The following DGKB variants were observed in gnomAD, a reference collection of about 807,000 sequenced individuals.
DGKB encodes 90 kDa diacylglycerol kinase.
Under a neutral mutation model 114.3 loss-of-function variants are expected in DGKB, and 67 were observed. The ratio of observed to expected loss-of-function variants is 0.59; its 90% CI spans 0.48 to 0.72. The LOEUF (loss-of-function observed/expected upper bound fraction) is 0.72. DGKB is among the 30% of genes least tolerant of loss of function. The probability of loss-of-function intolerance (pLI) is 0.00; values close to 1 mark genes in which losing one functional copy is unlikely to be tolerated. For synonymous variants in DGKB, 398 were observed against 323.1 expected (o/e 1.23, Z -2.49); for missense variants, 907 against 975.2 (o/e 0.93, Z 0.93).
chr7:14,801,730 G>T (rs930880080), intron 2 of DGKB, among the ~76,000 whole-genome samples: 1 of 151,924 alleles, frequency 6.6e-6, no homozygotes, highest in South Asian at 2.1e-4. Flanking sequence ...TTCCTGGATC[G>T]CCAGCTTGTA....
intron 21 of DGKB, among the ~76,000 whole-genome samples, chr7:14,363,782 C>T (rs909577417): frequency 6.6e-6 from 1 of 151,992 alleles, no homozygotes; most frequent in Non-Finnish European, 1.5e-5. Flanking sequence ...AAACATGCTC[C>T]AAAATATCAG....
chr7:14,190,456 C>T (rs1192432667), intron 23 of DGKB, among the ~76,000 whole-genome samples: 1 of 151,746 alleles, frequency 6.6e-6, no homozygotes, highest in African/African-American at 2.4e-5. Context: ...TGAAACAATC[C>T]AACAATGCAT....
intron 9 of DGKB, among the ~76,000 whole-genome samples, chr7:14,689,292 G>T (rs1318254580): frequency 7.3e-6 from 1 of 136,624 alleles, no homozygotes; most frequent in African/African-American, 2.7e-5. Flanking sequence ...TGCAAGCTCC[G>T]CCTCCCGGGT....
At chr7:14,867,783 C>T (rs905992326) in intron 1 of DGKB, among the ~76,000 whole-genome samples, 3 of 152,136 alleles carry the variant, frequency 2.0e-5, no homozygotes, top group African/African-American at 7.2e-5. Flanking sequence ...AGCGAAAATA[C>T]GGTTCCTTAG....
At chr7:14,663,610 T>TTCCCTTCCTCCCTTCCTCCCTTCC (rs71004323) in intron 13 of DGKB, among the ~76,000 whole-genome samples, 8 of 116,382 alleles carry the variant, frequency 6.9e-5, no homozygotes, top group African/African-American at 2.2e-4. Flanking sequence ...TTCTTTTCTT[T>TTCCCTTCCTCCCTTCCTCCCTTCC]TCCCTTCCTC....
At chr7:14,829,824 T>C (rs1846176108) in intron 2 of DGKB, among the ~76,000 whole-genome samples, 1 of 152,082 alleles carries the variant, frequency 6.6e-6, no homozygotes, top group Non-Finnish European at 1.5e-5. Context: ...ATATTATTAA[T>C]TGAGGGGTAT....
chr7:14,920,367 T>G (rs750554766), intron 1 of DGKB, among the ~76,000 whole-genome samples: 1 of 152,158 alleles, frequency 6.6e-6, no homozygotes, highest in Non-Finnish European at 1.5e-5. Flanking sequence ...AAAGAAGGTA[T>G]ACAGATGGCA....
intron 1 of DGKB, among the ~76,000 whole-genome samples, chr7:14,897,187 C>T (rs1782239067): frequency 6.6e-6 from 1 of 151,750 alleles, no homozygotes; most frequent in African/African-American, 2.4e-5. Flanking sequence ...GAAAGCCCTA[C>T]GTGTTATACA....
chr7:14,415,463 T>C (rs1483804088), intron 21 of DGKB, among the ~76,000 whole-genome samples: 1 of 149,018 alleles, frequency 6.7e-6, no homozygotes, highest in Non-Finnish European at 1.5e-5. Flanking sequence ...ATGTTCCCCT[T>C]CCTGTGTCCA....
chr7:14,169,951 A>G (rs1780607882), intron 25 of DGKB, among the ~76,000 whole-genome samples: 3 of 151,854 alleles, frequency 2.0e-5, no homozygotes, highest in Non-Finnish European at 2.9e-5. Context: ...CCTGACCAAC[A>G]TGGAGAAACC....
intron 13 of DGKB, among the ~76,000 whole-genome samples, chr7:14,643,009 T>C (rs1044718353): frequency 5.3e-5 from 8 of 152,174 alleles, no homozygotes; most frequent in Non-Finnish European, 1.0e-4. Flanking sequence ...TAGAGGAACC[T>C]AGCACTCATC....
intron 12 of DGKB, among the ~76,000 whole-genome samples, chr7:14,674,349 C>T (rs1359370630): frequency 6.6e-6 from 1 of 152,092 alleles, no homozygotes; most frequent in Non-Finnish European, 1.5e-5. Context: ...GCTGAATGCA[C>T]AATAGAACTA....
At chr7:14,287,134 G>A (rs1487840835) in intron 23 of DGKB, among the ~76,000 whole-genome samples, 1 of 152,048 alleles carries the variant, frequency 6.6e-6, no homozygotes, top group East Asian at 1.9e-4. Flanking sequence ...AAGCAGATTT[G>A]TGAACTTATT....
chr7:14,563,720 T>C (rs1277168399), intron 20 of DGKB, among the ~76,000 whole-genome samples: 2 of 151,804 alleles, frequency 1.3e-5, no homozygotes, highest in Non-Finnish European at 2.9e-5. Context: ...TACTTTTTCA[T>C]TTTTCTTGAT....
rs534875113 is a variant in DGKB at position 14,697,955 on chromosome 7, T to C, written c.591+140A>G. The stretch of plus-strand genomic sequence containing the variant: ...AGAGGGAGAGAAACAGAAAGGGAGA[T>C]AGAAGGAAGGAAAGAAAGAAAGAAA... On this transcript the variant is annotated intron_variant, in intron 8 of 25. Coordinates refer to ENST00000402815, the MANE Select transcript of DGKB (RefSeq NM_001350709.2). 90 of 526,968 alleles carry C rather than the reference T, an allele frequency of 1.7e-4. 1 individual carries two copies. In the Middle Eastern group the frequency reaches 2.1e-3, roughly 12 times the overall value. 32.6% of individuals were successfully genotyped at this position (526,968 alleles called of 1,614,324 possible).
intron 23 of DGKB, among the ~76,000 whole-genome samples, chr7:14,304,646 T>C (rs1267230455): frequency 6.6e-6 from 1 of 152,164 alleles, no homozygotes; most frequent in Admixed American, 6.6e-5. Flanking sequence ...TAGTGTCCAG[T>C]AGCATGTTTA....
At chr7:14,551,212 G>A (rs1795053933) in intron 20 of DGKB, among the ~76,000 whole-genome samples, 1 of 152,100 alleles carries the variant, frequency 6.6e-6, no homozygotes, top group African/African-American at 2.4e-5. Flanking sequence ...TAGGACATTT[G>A]GGTGGTAATA....
intron 21 of DGKB, among the ~76,000 whole-genome samples, chr7:14,407,294 A>G (rs932168261): frequency 6.6e-6 from 1 of 152,120 alleles, no homozygotes; most frequent in Non-Finnish European, 1.5e-5. Flanking sequence ...TATTATGTCT[A>G]TTGTTCAACG....
intron 21 of DGKB, among the ~76,000 whole-genome samples, chr7:14,415,424 C>T (rs2128751531): frequency 6.6e-6 from 1 of 151,686 alleles, no homozygotes; most frequent in South Asian, 2.1e-4. Context: ...TCCCCACTCC[C>T]CCCACCCCAC....
Sources: gnomAD v4.1 joint callset for allele counts (sites outside exome capture counted in the v4.1 genomes callset) on GRCh38, gnomAD v4.1.1 for gene constraint, MANE v1.5 for transcripts, NCBI Gene and HGNC (gene_info 2026-07-23, HGNC 2026-07-21) for gene names.